The following TRPM1 variants were observed in gnomAD, a reference collection of about 807,000 sequenced individuals.
TRPM1 encodes the protein TRPM1-203 APA Isoform, Intron 10.
TRPM1 carries 113 observed loss-of-function variants against 149.4 expected under a neutral mutation model. The ratio of observed to expected loss-of-function variants is 0.76; its 90% CI spans 0.65 to 0.88. The LOEUF is 0.88. Ranked by LOEUF, TRPM1 falls within the 40% of genes least tolerant of loss-of-function variation. The pLI, the probability that TRPM1 is intolerant of heterozygous loss-of-function variation, is 0.00. For synonymous variants in TRPM1, 741 were observed against 759.5 expected (o/e 0.98, Z 0.40); for missense variants, 1,976 against 2,038.7 (o/e 0.97, Z 0.59).
At chr15:31,016,611 A>C (rs1208724566) in intron 27 of TRPM1, among the ~76,000 whole-genome samples, 1 of 152,192 alleles carries the variant, frequency 6.6e-6, no homozygotes, top group Non-Finnish European at 1.5e-5. Context: ...CTTAACTGGC[A>C]GGCCTAAGAG....
upstream of TRPM1, among the ~76,000 whole-genome samples, chr15:31,103,934 G>T (rs550257487): frequency 6.6e-6 from 1 of 152,228 alleles, no homozygotes; most frequent in South Asian, 2.1e-4. Flanking sequence ...GTGTTGAGCT[G>T]CAGCTGTGGG....
At position 31,160,936 on chromosome 15, in the gene TRPM1, C is replaced by T. The variant is rs778348780; in HGVS notation, c.24G>A (p.Ser8=). 13 of 1,535,406 alleles carry T rather than the reference C, an allele frequency of 8.5e-6. 1 individual carries two copies. Among genetic ancestry groups the T allele is most frequent in the East Asian group, 7.3e-5 (3 of 40,924 alleles). Residue 8 remains serine (S), a synonymous_variant, in exon 1 of 27, where the codon TCG becomes TCA. Transcript: ENST00000542188. ...GCGACCCTGATGTGGAGCTCTTGAG[C>T]GAGCCCCGCTTGAAGGAGCTCATCT... is the stretch of plus-strand genomic sequence containing the variant.
At chr15:31,043,487 C>T (rs1429405648) in intron 16 of TRPM1, among the ~76,000 whole-genome samples, 5 of 152,104 alleles carry the variant, frequency 3.3e-5, no homozygotes, top group Non-Finnish European at 7.4e-5. Context: ...CCACCACGCC[C>T]GGCCACGACT....
At chr15:31,097,245 A>G (rs1167204100) in intron 1 of TRPM1, among the ~76,000 whole-genome samples, 1 of 109,488 alleles carries the variant, frequency 9.1e-6, no homozygotes, top group East Asian at 3.1e-4. Flanking sequence ...CCCACCCAAG[A>G]CTACGTCCAC....
At chr15:31,134,029 C>T (rs377435294) in intron 1 of TRPM1, among the ~76,000 whole-genome samples, 13 of 152,274 alleles carry the variant, frequency 8.5e-5, no homozygotes, top group African/African-American at 3.1e-4. Flanking sequence ...GAAGAGGATG[C>T]CCTGGCAGTC....
intron 1 of TRPM1, among the ~76,000 whole-genome samples, chr15:31,155,965 G>A (rs2036368849): frequency 6.6e-6 from 1 of 152,102 alleles, no homozygotes; most frequent in Non-Finnish European, 1.5e-5. Flanking sequence ...GGGAGGCCAA[G>A]GCAGGTGGAT....
At chr15:31,066,519 T>C (rs2034380832) in intron 6 of TRPM1, among the ~76,000 whole-genome samples, 1 of 152,208 alleles carries the variant, frequency 6.6e-6, no homozygotes, top group South Asian at 2.1e-4. Flanking sequence ...TGCACTGGAA[T>C]GTTTATGGCT....
chr15:31,086,752 C>T (rs56024254), intron 1 of TRPM1, among the ~76,000 whole-genome samples: 16 of 152,288 alleles, frequency 1.1e-4, no homozygotes, highest in Admixed American at 1.0e-3. Flanking sequence ...CTCCCCTGGT[C>T]TAAGGGAGGT....
intron 1 of TRPM1, among the ~76,000 whole-genome samples, chr15:31,095,427 G>C (rs982689770): frequency 6.6e-6 from 1 of 152,184 alleles, no homozygotes; most frequent in Non-Finnish European, 1.5e-5. Flanking sequence ...GCTCATGTCT[G>C]TAATCCCAGC....
chr15:31,071,403 A>G (rs2034534431), intron 3 of TRPM1, among the ~76,000 whole-genome samples: 1 of 151,484 alleles, frequency 6.6e-6, no homozygotes, highest in Non-Finnish European at 1.5e-5. Flanking sequence ...AGATGTGCGA[A>G]TGCGTGCACG....
intron 1 of TRPM1, among the ~76,000 whole-genome samples, chr15:31,082,387 C>T (rs554719597): frequency 3.7e-4 from 57 of 152,242 alleles, no homozygotes; most frequent in African/African-American, 1.3e-3. Context: ...ATACTGGAGG[C>T]GGACTGCTGG....
intron 1 of TRPM1, among the ~76,000 whole-genome samples, chr15:31,092,434 C>T (rs1158618093): frequency 6.6e-6 from 1 of 152,150 alleles, no homozygotes; most frequent in Non-Finnish European, 1.5e-5. Flanking sequence ...ACAGTGGAGC[C>T]ACCAGCCCAG....
At chr15:31,047,987 G>C in intron 13 of TRPM1, 48 bp from the exon 14 acceptor site, 1 of 1,554,918 alleles carries the variant, frequency 6.4e-7, no homozygotes. Context: ...TCTTGGCCAG[G>C]CGCGGTGGCT....
intron 27 of TRPM1, among the ~76,000 whole-genome samples, chr15:31,007,767 G>T (rs1043563893): frequency 6.6e-6 from 1 of 152,186 alleles, no homozygotes; most frequent in Admixed American, 6.5e-5. Context: ...AGATAAACTT[G>T]GGGAGAACTG....
At chr15:31,143,235 C>A (rs1427676660) in intron 1 of TRPM1, among the ~76,000 whole-genome samples, 1 of 152,172 alleles carries the variant, frequency 6.6e-6, no homozygotes, top group Non-Finnish European at 1.5e-5. Context: ...TAAAGTTCAA[C>A]TGAAGAAACT....
At position 31,002,590 on chromosome 15, in the gene TRPM1, G is replaced by A. The variant is rs541023956; in HGVS notation, c.4110C>T (p.Asn1370=). The A allele has an allele frequency of 4.2e-5, 68 of 1,614,078 alleles. No individual in the cohort carries two copies. Among genetic ancestry groups the A allele is most frequent in the Middle Eastern group, 1.6e-4 (1 of 6,062 alleles). The stretch of plus-strand genomic sequence containing the variant: ...CTGGACCTAATTTTGACTCTTCAGC[G>A]TTCTTTAAGTCATCTACTGCAAGGT... ...GSHLAVDDLK[N]AEESKLGPDI... is the part of the protein sequence containing the mutation. The change falls in exon 28 of 28, where the codon AAC becomes AAT. Residue 1370 remains asparagine (N), a synonymous_variant. Transcript: ENST00000256552.
intron 1 of TRPM1, among the ~76,000 whole-genome samples, chr15:31,131,152 A>T (rs1341175421): frequency 6.6e-6 from 1 of 152,202 alleles, no homozygotes; most frequent in East Asian, 1.9e-4. Context: ...TTGGGCATGA[A>T]TCCTCCCTTC....
At chr15:31,109,462 C>T (rs1265270002) in intron 1 of TRPM1, among the ~76,000 whole-genome samples, 1 of 151,320 alleles carries the variant, frequency 6.6e-6, no homozygotes, top group Non-Finnish European at 1.5e-5. Flanking sequence ...TTTGGGAGGC[C>T]GAGGCAGGTG....
At position 31,036,901 on chromosome 15, in the gene TRPM1, G is replaced by A. The variant is rs554639383; in HGVS notation, c.2571+810C>T. Among the ~76,000 whole-genome samples, 4 of 151,962 alleles carry A rather than the reference G, an allele frequency of 2.6e-5. No homozygotes were observed. The South Asian group carries it at 6.2e-4, about 24-fold the overall frequency. On this transcript the variant is annotated intron_variant, in intron 20 of 27. Coordinates refer to ENST00000256552, the MANE Select transcript of TRPM1 (RefSeq NM_001252024.2). ...CACCCTCATTCATCGCCCAGACCAC[G>A]GCCAGGGACCCAGCTCCTCATGTCC...
Sources: allele counts gnomAD v4.1 joint callset (sites outside exome capture counted in the v4.1 genomes callset), GRCh38; gene constraint gnomAD v4.1.1; transcripts MANE v1.5; gene names NCBI Gene and HGNC (gene_info 2026-07-23, HGNC 2026-07-21).